FSTL5: variants seen among roughly 807,000 people sequenced by gnomAD.
The protein encoded by FSTL5 is follistatin-related protein 5.
A neutral mutation model predicts 89.1 loss-of-function variants in FSTL5; 62 were observed. The observed-to-expected ratio is 0.70, with a 90% CI of 0.57 to 0.86. The LOEUF (loss-of-function observed/expected upper bound fraction) is 0.86. FSTL5 is among the 40% of genes least tolerant of loss of function. The probability of loss-of-function intolerance (pLI) is 0.00; values close to 1 mark genes in which losing one functional copy is unlikely to be tolerated. For missense variants in FSTL5, 1,057 were observed against 1,001.6 expected, an observed-to-expected ratio of 1.06 and a Z score of -0.75; for synonymous variants, 383 against 346.2, an observed-to-expected ratio of 1.11 and a Z score of -1.18.
At chr4:161,428,169 A>G (rs1313192488) in intron 15 of FSTL5, among the ~76,000 whole-genome samples, 4 of 150,270 alleles carry the variant, frequency 2.7e-5, no homozygotes, top group Non-Finnish European at 6.0e-5. Context: ...CATGCTACCT[A>G]TGGAGGGAGC....
At chr4:161,554,638 C>G (rs754937599) in intron 8 of FSTL5, among the ~76,000 whole-genome samples, 7 of 151,808 alleles carry the variant, frequency 4.6e-5, no homozygotes, top group Non-Finnish European at 1.0e-4. Context: ...AAGTAAACAA[C>G]TAAGCACTGA....
chr4:162,046,358 G>A (rs572448916), intron 2 of FSTL5, among the ~76,000 whole-genome samples: 9 of 152,202 alleles, frequency 5.9e-5, no homozygotes, highest in East Asian at 5.8e-4. Flanking sequence ...GTCTCCAAGC[G>A]AAACTGTTAC....
chr4:161,648,110 C>G (rs555160399), intron 7 of FSTL5, among the ~76,000 whole-genome samples: 1 of 152,148 alleles, frequency 6.6e-6, no homozygotes, highest in Non-Finnish European at 1.5e-5. Context: ...ACTCATTCTC[C>G]AAGCCCATGT....
rs1006186274 is a variant in FSTL5, at chr4:161,545,352, T to A, written c.1016-2659A>T. On this transcript the variant is annotated intron_variant, in intron 8 of 15. Transcript: ENST00000306100. ...TCCCATGTATATACACATATGCATG[T>A]GTGTGCACACGTAATTTAAAAAATA... 3.3e-5 allele frequency among the ~76,000 whole-genome samples: 5 copies of A among 152,178 alleles called. No individual in the cohort carries two copies. In the East Asian group the frequency reaches 9.7e-4, roughly 29 times the overall value.
chr4:161,663,675 C>T (rs1367805854), intron 6 of FSTL5, among the ~76,000 whole-genome samples: 2 of 152,224 alleles, frequency 1.3e-5, no homozygotes, highest in East Asian at 3.9e-4. Flanking sequence ...GTGGAGCTAC[C>T]ATTCTGAGGT....
intron 13 of FSTL5, among the ~76,000 whole-genome samples, chr4:161,461,442 CAG>C (rs1307473940): frequency 4.0e-5 from 4 of 100,932 alleles, no homozygotes; most frequent in African/African-American, 1.6e-4. Context: ...GCCTGGGTGA[CAG>C]AGCAAGACTC....
At chr4:161,662,693 C>T (rs537666047) in intron 6 of FSTL5, among the ~76,000 whole-genome samples, 14 of 152,200 alleles carry the variant, frequency 9.2e-5, no homozygotes, top group African/African-American at 3.4e-4. Context: ...AATATTTGAA[C>T]AAATAGCAGC....
intron 4 of FSTL5, among the ~76,000 whole-genome samples, chr4:161,872,133 T>TTTG (rs1366474582): frequency 7.2e-5 from 3 of 41,596 alleles, no homozygotes; most frequent in African/African-American, 9.0e-5. Flanking sequence ...AGTTTGTTTT[T>TTTG]TTTTTTGGTT....
rs549700202 is a variant in FSTL5 at position 161,472,124 on chromosome 4, T to C, written c.1608+8896A>G. Among the ~76,000 whole-genome samples the C allele has an allele frequency of 1.6e-4, 24 of 151,952 alleles. No individual in the cohort carries two copies. The South Asian group carries it at 3.3e-3, about 21-fold the overall frequency. ...CCAGAGTAGCTGGGACTACAGGTGC[T>C]GGCCACCACGCCCGGCTAATTTTTT... On this transcript the variant is annotated intron_variant, in intron 13 of 15. Coordinates refer to ENST00000306100, the MANE Select transcript of FSTL5 (RefSeq NM_020116.5).
intron 10 of FSTL5, among the ~76,000 whole-genome samples, chr4:161,526,941 G>T (rs1215925683): frequency 2.6e-5 from 4 of 152,044 alleles, no homozygotes; most frequent in Non-Finnish European, 5.9e-5. Context: ...CTCTTTTTTG[G>T]TGCCATATGA....
intron 3 of FSTL5, among the ~76,000 whole-genome samples, chr4:161,995,759 T>C (rs1736274888): frequency 6.6e-6 from 1 of 151,646 alleles, no homozygotes; most frequent in Non-Finnish European, 1.5e-5. Flanking sequence ...TCTATTAACA[T>C]GTAATGAGTT....
chr4:161,947,821 G>T (rs1734777348), intron 3 of FSTL5, among the ~76,000 whole-genome samples: 5 of 152,032 alleles, frequency 3.3e-5, no homozygotes, highest in Admixed American at 2.6e-4. Flanking sequence ...TGACAAAAGG[G>T]CAACCTAACA....
chr4:161,977,666 T>A (rs1043022315), intron 3 of FSTL5, among the ~76,000 whole-genome samples: 65 of 131,700 alleles, frequency 4.9e-4, no homozygotes, highest in African/African-American at 1.8e-3. Flanking sequence ...ATAATAATAA[T>A]AAATTATTTT....
intron 4 of FSTL5, among the ~76,000 whole-genome samples, chr4:161,864,605 C>T (rs1304593870): frequency 6.6e-6 from 1 of 152,064 alleles, no homozygotes; most frequent in Non-Finnish European, 1.5e-5. Flanking sequence ...GGTGTGGTGG[C>T]TCATGCCTAT....
chr4:161,404,453 G>T (rs1010126950), intron 15 of FSTL5, among the ~76,000 whole-genome samples: 1 of 152,162 alleles, frequency 6.6e-6, no homozygotes, highest in South Asian at 2.1e-4. Context: ...GTAGACTCAT[G>T]TAAACAGGAA....
chr4:161,957,675 A>G (rs1271860612), intron 3 of FSTL5, among the ~76,000 whole-genome samples: 1 of 152,146 alleles, frequency 6.6e-6, no homozygotes, highest in Non-Finnish European at 1.5e-5. Flanking sequence ...TATTTAAGAT[A>G]AACATTATGC....
chr4:162,120,338 T>C (rs939799501), intron 1 of FSTL5, among the ~76,000 whole-genome samples: 8 of 152,120 alleles, frequency 5.3e-5, no homozygotes, highest in African/African-American at 1.9e-4. Context: ...ATTAGAACCA[T>C]GTTATGTGGT....
At chr4:162,145,071 G>A (rs199847598) in intron 1 of FSTL5, among the ~76,000 whole-genome samples, 1 of 89,434 alleles carries the variant, frequency 1.1e-5, no homozygotes, top group Non-Finnish European at 2.6e-5. Flanking sequence ...AATATACAAT[G>A]TATATTCATA....
chr4:161,533,591 C>T lies in FSTL5; in HGVS notation c.1312+4575G>A, dbSNP rs572393745. ...AGTAAGTAAGTAATACAAAATGTAC[C>T]GACCAAAAAGAGCCTTGGACCAGAA... On this transcript the variant is annotated intron_variant, in intron 10 of 15. Coordinates refer to ENST00000306100, the MANE Select transcript of FSTL5 (RefSeq NM_020116.5). 4.0e-5 allele frequency among the ~76,000 whole-genome samples: 6 copies of T among 151,866 alleles called. No individual in the cohort carries two copies. In the East Asian group the frequency reaches 7.7e-4, roughly 20 times the overall value.
Sources: allele counts gnomAD v4.1 joint callset (sites outside exome capture counted in the v4.1 genomes callset), GRCh38; gene constraint gnomAD v4.1.1; transcripts MANE v1.5; gene names NCBI Gene and HGNC (gene_info 2026-07-23, HGNC 2026-07-21).